Variants in CELF4 observed in about 807,000 individuals in gnomAD.
CELF4 encodes CUGBP Elav-like family member 4.
A neutral mutation model predicts 59.9 loss-of-function variants in CELF4; 18 were observed. The ratio of observed to expected loss-of-function variants is 0.30; its 90% confidence interval spans 0.21 to 0.45. CELF4 has a LOEUF of 0.45. CELF4 is among the 20% of genes least tolerant of loss of function. The pLI, the probability that CELF4 is intolerant of heterozygous loss-of-function variation, is 1.00. For synonymous variants in CELF4, 261 were observed against 267.1 expected, an observed-to-expected ratio of 0.98 and a Z score of 0.22; for missense variants, 456 against 689.0, an observed-to-expected ratio of 0.66 and a Z score of 3.79.
chr18:37,489,131 G>A (rs1168625430), intron 1 of CELF4, among the ~76,000 whole-genome samples: 1 of 152,206 alleles, frequency 6.6e-6, no homozygotes, highest in Non-Finnish European at 1.5e-5. Context: ...AGGCTAACTG[G>A]GGCAGTCCCA....
intron 6 of CELF4, 109 bp from the exon 7 acceptor site, chr18:37,273,272 C>T: frequency 1.4e-6 from 2 of 1,468,734 alleles, no homozygotes; most frequent in Non-Finnish European, 1.8e-6. Context: ...GCCCCAGAAG[C>T]TCCCAACTAC....
chr18:37,410,477 G>A (rs369586670), intron 2 of CELF4, among the ~76,000 whole-genome samples: 3 of 152,340 alleles, frequency 2.0e-5, no homozygotes, highest in Admixed American at 1.3e-4. Flanking sequence ...CCAGAACCTC[G>A]GGCTGGCAAA....
chr18:37,393,483 G>T (rs2154578554), intron 2 of CELF4, among the ~76,000 whole-genome samples: 1 of 152,314 alleles, frequency 6.6e-6, no homozygotes, highest in Non-Finnish European at 1.5e-5. Flanking sequence ...TGGACACTTG[G>T]GCCCAGGTCT....
intron 2 of CELF4, among the ~76,000 whole-genome samples, chr18:37,376,544 C>T (rs1038727253): frequency 2.2e-4 from 33 of 152,224 alleles, no homozygotes; most frequent in African/African-American, 7.5e-4. Context: ...TCAAGGCTTC[C>T]GTGTCTGCAG....
chr18:37,480,455 G>A (rs532437608), intron 2 of CELF4, among the ~76,000 whole-genome samples: 16 of 152,300 alleles, frequency 1.1e-4, no homozygotes, highest in African/African-American at 3.4e-4. Context: ...TCATAAATTC[G>A]TCTTTAGTTT....
intron 2 of CELF4, among the ~76,000 whole-genome samples, chr18:37,477,099 G>A (rs2099852022): frequency 6.6e-6 from 1 of 152,238 alleles, no homozygotes; most frequent in Admixed American, 6.5e-5. Flanking sequence ...AGGCCAGCAA[G>A]GTCGCTCAGC....
chr18:37,475,561 G>A (rs939521602), intron 2 of CELF4, among the ~76,000 whole-genome samples: 1 of 152,212 alleles, frequency 6.6e-6, no homozygotes, highest in African/African-American at 2.4e-5. Context: ...AGGTCCTGAT[G>A]CCCTGGGAGG....
chr18:37,358,521 A>G (rs1035681065), intron 2 of CELF4, among the ~76,000 whole-genome samples: 1 of 152,240 alleles, frequency 6.6e-6, no homozygotes, highest in Non-Finnish European at 1.5e-5. Context: ...CAATATGGCT[A>G]CAGCAGGACA....
At chr18:37,286,264 G>GC (rs1257504384) in intron 3 of CELF4, among the ~76,000 whole-genome samples, 2 of 152,232 alleles carry the variant, frequency 1.3e-5, no homozygotes, top group African/African-American at 4.8e-5. Flanking sequence ...CTCACTTAGA[G>GC]CTGTTTGTCT....
chr18:37,409,071 C>T (rs2154591724), intron 2 of CELF4, among the ~76,000 whole-genome samples: 1 of 152,358 alleles, frequency 6.6e-6, no homozygotes, highest in African/African-American at 2.4e-5. Flanking sequence ...TGCTGACTGT[C>T]CTCAGATACC....
chr18:37,284,048 CAA>C (rs1304970058), intron 3 of CELF4, among the ~76,000 whole-genome samples: 1 of 79,486 alleles, frequency 1.3e-5, no homozygotes, highest in African/African-American at 4.0e-5. Context: ...CACCAACACA[CAA>C]AGACACATAC....
At chr18:37,440,122 A>G (rs1352643799) in intron 2 of CELF4, among the ~76,000 whole-genome samples, 2 of 152,150 alleles carry the variant, frequency 1.3e-5, no homozygotes, top group African/African-American at 4.8e-5. Flanking sequence ...GCAGTTTTGT[A>G]TTAATGCAGG....
At chr18:37,506,871 C>G (rs1367840511) in intron 1 of CELF4, among the ~76,000 whole-genome samples, 1 of 152,248 alleles carries the variant, frequency 6.6e-6, no homozygotes, top group Admixed American at 6.5e-5. Flanking sequence ...AAGCTCCCTT[C>G]CATCCTCCGT....
chr18:37,409,459 C>T (rs1048919290), intron 2 of CELF4, among the ~76,000 whole-genome samples: 1 of 152,188 alleles, frequency 6.6e-6, no homozygotes, highest in Non-Finnish European at 1.5e-5. Context: ...TTTTGGGACA[C>T]CCCTTGCTGT....
chr18:37,507,172 C>T (rs554990601), intron 1 of CELF4, among the ~76,000 whole-genome samples: 2 of 152,290 alleles, frequency 1.3e-5, no homozygotes, highest in East Asian at 1.9e-4. Flanking sequence ...CAGCTGAGCA[C>T]GATGGTCTCA....
chr18:37,447,615 C>G (rs986109541), intron 2 of CELF4, among the ~76,000 whole-genome samples: 16 of 152,228 alleles, frequency 1.1e-4, no homozygotes, highest in Non-Finnish European at 1.5e-5. Flanking sequence ...ACATCCTTGG[C>G]TGCTGGAGGG....
intron 2 of CELF4, among the ~76,000 whole-genome samples, chr18:37,360,388 A>G (rs2098683684): frequency 6.6e-6 from 1 of 152,184 alleles, no homozygotes; most frequent in African/African-American, 2.4e-5. Context: ...CAGCCTGCTG[A>G]GCACAACCTG....
chr18:37,516,723 C>T (rs895065665), intron 1 of CELF4, among the ~76,000 whole-genome samples: 41 of 152,180 alleles, frequency 2.7e-4, no homozygotes, highest in African/African-American at 9.7e-4. Flanking sequence ...AGGTCTGGCT[C>T]CAAGGCTTTA....
intron 3 of CELF4, among the ~76,000 whole-genome samples, chr18:37,320,448 A>G (rs1402536683): frequency 2.0e-5 from 3 of 151,872 alleles, no homozygotes; most frequent in Admixed American, 1.3e-4. Flanking sequence ...CTGGCGGAAG[A>G]GCAGCCAAGG....
Sources: allele counts gnomAD v4.1 joint callset (sites outside exome capture counted in the v4.1 genomes callset), GRCh38; gene constraint gnomAD v4.1.1; transcripts MANE v1.5; gene names NCBI Gene and HGNC (gene_info 2026-07-23, HGNC 2026-07-21).